SHQ1: variants seen among roughly 807,000 people sequenced by gnomAD.
The protein encoded by SHQ1 is SHQ1, H/ACA ribonucleoprotein assembly factor.
Under a neutral mutation model 53.8 loss-of-function variants are expected in SHQ1, and 49 were observed. The observed-to-expected ratio is 0.91, with a 90% CI of 0.72 to 1.16. The LOEUF is 1.16. Among genes scored for constraint, SHQ1 ranks in the 50% most tolerant of loss-of-function variants. The probability of loss-of-function intolerance (pLI) is 0.00; values close to 1 mark genes in which losing one functional copy is unlikely to be tolerated. For synonymous variants in SHQ1, 243 were observed against 251.0 expected (o/e 0.97, Z 0.30); for missense variants, 738 against 683.1 (o/e 1.08, Z -0.90).
the SHQ1 span, among the ~76,000 whole-genome samples, chr3:72,733,871 C>T: frequency 1.3e-5 from 2 of 151,520 alleles, no homozygotes; most frequent in African/African-American, 4.9e-5. Flanking sequence ...TCAGTTTTCT[C>T]ATCTGCAAAA....
chr3:72,739,068 C>T, the SHQ1 span, among the ~76,000 whole-genome samples: 1 of 152,254 alleles, frequency 6.6e-6, no homozygotes, highest in African/African-American at 2.4e-5. Flanking sequence ...GGCTTTCTCA[C>T]TGATCCGGGA....
chr3:72,848,103 C>A lies in SHQ1; in HGVS notation c.143+95G>T. On this transcript the variant is annotated intron_variant, in intron 1 of 10. Transcript: ENST00000325599. The stretch of plus-strand genomic sequence containing the variant: ...CGGAAACGTCGGGAAAAGGCATTCG[C>A]GCAATCGAGCACTGCTCTCTCGACC... 2.7e-6 allele frequency: 4 copies of A among 1,464,866 alleles called. No individual in the cohort carries two copies. The South Asian group carries it at 3.6e-5, about 13-fold the overall frequency. The allele number at this position is 1,464,866 out of a possible 1,614,324, so 90.7% of individuals were successfully genotyped here. A position where few individuals can be genotyped will look rare whatever the true frequency, so the allele number is the denominator to read the frequency against.
At chr3:72,817,937 T>C (rs986750247) in intron 6 of SHQ1, among the ~76,000 whole-genome samples, 9 of 152,232 alleles carry the variant, frequency 5.9e-5, no homozygotes, top group East Asian at 5.8e-4. Context: ...ACGTTAGACT[T>C]GTGGGAAAAG....
In SHQ1 at chr3:72,811,384, G is replaced by T. The variant is rs141939894; in HGVS notation, c.1060+1287C>A. 2.9e-4 allele frequency among the ~76,000 whole-genome samples: 44 copies of T among 152,328 alleles called. No homozygotes were observed. The South Asian group carries it at 2.9e-3, about 10-fold the overall frequency. On this transcript the variant is annotated intron_variant, in intron 9 of 10. Coordinates refer to ENST00000325599, the MANE Select transcript of SHQ1 (RefSeq NM_018130.3). ...GAGGCTCACACAGTCATTTATAGTA[G>T]ATTGATTTTCCAAGGTACTTTTAGC... is the stretch of plus-strand genomic sequence containing the variant.
chr3:72,824,734 C>T (rs995392423), intron 5 of SHQ1, among the ~76,000 whole-genome samples, 183 bp from the exon 6 acceptor site: 4 of 151,134 alleles, frequency 2.6e-5, no homozygotes, highest in Non-Finnish European at 4.4e-5. Context: ...AAGTTATTTA[C>T]CATAAAACAA....
Position 72,842,404 on chromosome 3 carries a change from T to C in SHQ1, c.209-2A>G, listed in dbSNP as rs199729478. The stretch of plus-strand genomic sequence containing the variant: ...TGGGCAGGCGAATGGTAAAAATTCC[T>C]TAAAGATAAATTTGTTTTATGCTTA... On this transcript the variant is annotated splice_acceptor_variant, in intron 2 of 10. Coordinates refer to ENST00000325599, the MANE Select transcript of SHQ1 (RefSeq NM_018130.3). LOFTEE classifies it high-confidence loss of function. The C allele has an allele frequency of 6.2e-7, 1 of 1,612,432 alleles. No homozygotes were observed. The highest frequency in any genetic ancestry group is 8.5e-7 in the Non-Finnish European group (1 of 1,178,990).
chr3:72,727,331 C>T, the SHQ1 span, among the ~76,000 whole-genome samples: 3 of 152,156 alleles, frequency 2.0e-5, no homozygotes, highest in Non-Finnish European at 4.4e-5. Context: ...TCCCAAGCCT[C>T]ACCACCCAAC....
chr3:72,816,281 C>T (rs1313073172), intron 7 of SHQ1, among the ~76,000 whole-genome samples: 1 of 152,066 alleles, frequency 6.6e-6, no homozygotes, highest in Admixed American at 6.5e-5. Flanking sequence ...TAGACACACG[C>T]GCACACTGAA....
chr3:72,808,975 G>C (rs1178026908), intron 9 of SHQ1, among the ~76,000 whole-genome samples: 2 of 152,156 alleles, frequency 1.3e-5, no homozygotes, highest in Non-Finnish European at 2.9e-5. Flanking sequence ...ATGGATAAAG[G>C]TGGTGTGGGT....
the SHQ1 span, among the ~76,000 whole-genome samples, chr3:72,736,618 C>T: frequency 1.2e-3 from 174 of 148,306 alleles, 2 homozygotes; most frequent in African/African-American, 4.1e-3. Flanking sequence ...TGGTGAAACC[C>T]CATCTATACT....
intron 10 of SHQ1, among the ~76,000 whole-genome samples, chr3:72,763,526 G>A (rs1705653800): frequency 6.6e-6 from 1 of 152,184 alleles, no homozygotes. Flanking sequence ...GATGTCCTAA[G>A]CCCTGGAAGC....
intron 9 of SHQ1, among the ~76,000 whole-genome samples, chr3:72,803,346 C>CA (rs1173629498): frequency 3.3e-4 from 51 of 152,302 alleles, no homozygotes; most frequent in Non-Finnish European, 2.9e-5. Flanking sequence ...ACACAGGCCT[C>CA]ATTAGTCTCT....
At chr3:72,791,745 T>A (rs1432002791) in intron 10 of SHQ1, among the ~76,000 whole-genome samples, 1 of 151,964 alleles carries the variant, frequency 6.6e-6, no homozygotes, top group Non-Finnish European at 1.5e-5. Context: ...ACAGACAGGG[T>A]CTCACTATGT....
intron 4 of SHQ1, among the ~76,000 whole-genome samples, chr3:72,833,506 A>ATG (rs1559696369): frequency 4.0e-4 from 18 of 44,772 alleles, no homozygotes; most frequent in South Asian, 2.6e-3. Flanking sequence ...AGATAGACAG[A>ATG]CAGACAGACA....
chr3:72,751,535 T>TATATATAC lies in SHQ1; in HGVS notation c.1182-700_1182-699insGTATATAT, dbSNP rs1444853961. Reference sequence around the variant, plus strand: ...ATATATATATATATATATATACATATACATACACTAATAAAGCCTAACTCT... The same window carrying TATATATAC: ...ATATATATATATATATATATACATATATATATACACATACACTAATAAAGCCTAACTCT... On this transcript the variant is annotated intron_variant, in intron 10 of 10. Transcript: ENST00000325599. Among the ~76,000 whole-genome samples, 48 of 139,946 alleles carry TATATATAC rather than the reference T, an allele frequency of 3.4e-4. 1 individual carries two copies. The highest frequency in any genetic ancestry group is 1.3e-3 in the African/African-American group (43 of 33,428). The allele number at this position is 139,946 out of a possible 152,430, so 91.8% of individuals were successfully genotyped here.
At chr3:72,815,444 G>A (rs1707283710) in intron 7 of SHQ1, 41 bp from the exon 8 acceptor site, 2 of 1,516,208 alleles carry the variant, frequency 1.3e-6, no homozygotes, top group Middle Eastern at 1.7e-4. Context: ...CACATTAGAG[G>A]TGAAGTCATT....
chr3:72,814,108 T>C, intron 8 of SHQ1, among the ~76,000 whole-genome samples: 1 of 152,168 alleles, frequency 6.6e-6, no homozygotes, highest in East Asian at 1.9e-4. Context: ...ACATTAATCC[T>C]TAAAACTATG....
At chr3:72,775,071 T>C (rs1188077350) in intron 10 of SHQ1, among the ~76,000 whole-genome samples, 2 of 152,142 alleles carry the variant, frequency 1.3e-5, no homozygotes, top group Admixed American at 6.5e-5. Context: ...GCAGAGATCA[T>C]GCCACTGCAG....
chr3:72,729,753 T>C, the SHQ1 span, among the ~76,000 whole-genome samples: 1 of 152,224 alleles, frequency 6.6e-6, no homozygotes. Context: ...CATAGCCAAG[T>C]AAGTTCAAAA....
Sources: allele counts gnomAD v4.1 joint callset (sites outside exome capture counted in the v4.1 genomes callset), GRCh38; gene constraint gnomAD v4.1.1; transcripts MANE v1.5; gene names NCBI Gene and HGNC (gene_info 2026-07-23, HGNC 2026-07-21).